The following ATG7 variants were observed in gnomAD, a reference collection of about 807,000 sequenced individuals.
ATG7 encodes autophagy related 7.
In ATG7, 70 loss-of-function variants were observed where a neutral mutation model predicts 82.4. That is an observed-to-expected ratio of 0.85 (90% CI 0.70 to 1.04). The LOEUF is 1.04. Among genes scored for constraint, ATG7 ranks in the 50% least tolerant of loss-of-function variants. The pLI, the probability that ATG7 is intolerant of heterozygous loss-of-function variation, is 0.00. For synonymous variants in ATG7, 287 were observed against 313.0 expected (o/e 0.92, Z 0.88); for missense variants, 792 against 864.3 (o/e 0.92, Z 1.05).
At chr3:11,524,448 G>C (rs887592039) in intron 20 of ATG7, among the ~76,000 whole-genome samples, 4 of 152,162 alleles carry the variant, frequency 2.6e-5, no homozygotes, top group Non-Finnish European at 5.9e-5. Flanking sequence ...AATAAAGAAT[G>C]TATAGTCTGT....
chr3:11,311,003 G>A (rs946704357), intron 7 of ATG7, among the ~76,000 whole-genome samples: 1 of 152,166 alleles, frequency 6.6e-6, no homozygotes, highest in Non-Finnish European at 1.5e-5. Flanking sequence ...ACGTCAGTAC[G>A]CTTTCTGTAC....
intron 20 of ATG7, among the ~76,000 whole-genome samples, chr3:11,497,357 C>CTATATATATATGTATG (rs1281826628): frequency 3.5e-5 from 2 of 57,294 alleles, no homozygotes; most frequent in African/African-American, 1.3e-4. Context: ...ACTAAAAATA[C>CTATATATATATGTATG]TATATATATA....
chr3:11,495,736 A>G (rs2090777576), intron 20 of ATG7, among the ~76,000 whole-genome samples: 1 of 152,180 alleles, frequency 6.6e-6, no homozygotes, highest in Admixed American at 6.5e-5. Flanking sequence ...CGTGGATATC[A>G]CCAAGTTTCT....
intron 20 of ATG7, among the ~76,000 whole-genome samples, chr3:11,549,920 C>T (rs1182431381): frequency 2.6e-5 from 4 of 152,156 alleles, no homozygotes; most frequent in Admixed American, 1.3e-4. Context: ...TTCAGCTCTC[C>T]GAGGAGGTGG....
intron 19 of ATG7, among the ~76,000 whole-genome samples, chr3:11,413,875 G>C (rs886694842): frequency 1.3e-5 from 2 of 152,160 alleles, no homozygotes; most frequent in Non-Finnish European, 2.9e-5. Flanking sequence ...TTTGCCAGGA[G>C]ATTTCTGATT....
chr3:11,474,518 T>C (rs747938465), intron 20 of ATG7, among the ~76,000 whole-genome samples: 11 of 152,202 alleles, frequency 7.2e-5, no homozygotes, highest in Non-Finnish European at 1.3e-4. Flanking sequence ...AAGGCTCATC[T>C]GAGCACAGGA....
intron 1 of ATG7, among the ~76,000 whole-genome samples, chr3:11,277,891 A>ACCCC (rs71626995): frequency 0.014 from 874 of 60,648 alleles, 27 homozygotes; most frequent in East Asian, 0.017. Flanking sequence ...CCCTTTATAG[A>ACCCC]CCCCCCCCCC....
At chr3:11,534,287 C>T (rs1002021489) in intron 20 of ATG7, among the ~76,000 whole-genome samples, 3 of 152,374 alleles carry the variant, frequency 2.0e-5, no homozygotes, top group East Asian at 1.9e-4. Context: ...GTCGATTCTG[C>T]GGCAGCAGGC....
intron 19 of ATG7, among the ~76,000 whole-genome samples, chr3:11,410,566 C>G (rs777079251): frequency 6.6e-6 from 1 of 152,152 alleles, no homozygotes; most frequent in Non-Finnish European, 1.5e-5. Flanking sequence ...AACTGAAACT[C>G]TATAACCATC....
chr3:11,404,125 A>ATTTTTTTTTTTTTTTTTTT (rs10591303), intron 19 of ATG7, among the ~76,000 whole-genome samples: 1 of 76,938 alleles, frequency 1.3e-5, no homozygotes, highest in African/African-American at 5.5e-5. Flanking sequence ...AACCAGCTCA[A>ATTTTTTTTTTTTTTTTTTT]TTTTTTTTTT....
the ATG7 span, among the ~76,000 whole-genome samples, chr3:11,563,927 G>A: frequency 6.6e-6 from 1 of 152,180 alleles, no homozygotes; most frequent in Admixed American, 6.5e-5. Context: ...ATCAGACACG[G>A]ACACCAGGCA....
intron 20 of ATG7, among the ~76,000 whole-genome samples, chr3:11,537,027 G>C (rs1302247611): frequency 6.6e-6 from 1 of 152,054 alleles, no homozygotes. Context: ...AATAAACCCA[G>C]GCCCCTCTCC....
intron 11 of ATG7, among the ~76,000 whole-genome samples, chr3:11,333,755 T>C (rs1308072649): frequency 6.6e-6 from 1 of 151,256 alleles, no homozygotes; most frequent in African/African-American, 2.4e-5. Flanking sequence ...TTTCTTTTTT[T>C]TTTTTTTTTT....
intron 3 of ATG7, among the ~76,000 whole-genome samples, chr3:11,287,963 C>T (rs772993364): frequency 2.6e-4 from 39 of 152,116 alleles, no homozygotes; most frequent in Non-Finnish European, 8.8e-5. Context: ...AAGTCCTGCC[C>T]GAGGCCTTTT....
chr3:11,564,691 TCCCTCCCTCACCACCG>T, the ATG7 span: 22 of 1,277,352 alleles, frequency 1.7e-5, no homozygotes, highest in African/African-American at 1.1e-4. Flanking sequence ...CCTCACCACC[TCCCTCCCTCACCACCG>T]CCCTCGGAGT....
chr3:11,541,733 G>A (rs1345865599), intron 20 of ATG7, among the ~76,000 whole-genome samples: 1 of 152,168 alleles, frequency 6.6e-6, no homozygotes, highest in Non-Finnish European at 1.5e-5. Context: ...TCTCTCTGAT[G>A]TTGACCCCAA....
In ATG7 at chr3:11,338,093, A is replaced by C. The variant is rs553384073; in HGVS notation, c.890-2552A>C. Among the ~76,000 whole-genome samples the C allele has an allele frequency of 1.2e-4, 19 of 152,138 alleles. No homozygotes were observed. In the South Asian group the frequency reaches 3.5e-3, roughly 28 times the overall value. On this transcript the variant is annotated intron_variant, in intron 11 of 20. Transcript: ENST00000693202. ...TACCTAGTACCTAGTATTTTTTCTGATCCTCTCCCTCCTCCCACCCTTCAC... is the reference window on the plus strand; with the variant it reads ...TACCTAGTACCTAGTATTTTTTCTGCTCCTCTCCCTCCTCCCACCCTTCAC...
chr3:11,565,891 C>T, the ATG7 span, among the ~76,000 whole-genome samples: 10 of 152,208 alleles, frequency 6.6e-5, no homozygotes, highest in East Asian at 1.9e-4. The surrounding 1 kb of genome is among the most constrained non-coding windows in gnomAD (Gnocchi z 4.1). Context: ...TTCCAGGGGT[C>T]CCACAGTTCC....
chr3:11,445,814 ACT>A (rs1399538441), intron 20 of ATG7, among the ~76,000 whole-genome samples: 1 of 152,180 alleles, frequency 6.6e-6, no homozygotes, highest in African/African-American at 2.4e-5. Context: ...GAATCTTGGT[ACT>A]GTCACATTTT....
Sources: allele counts gnomAD v4.1 joint callset (sites outside exome capture counted in the v4.1 genomes callset), GRCh38; gene constraint gnomAD v4.1.1; non-coding constraint Gnocchi (gnomAD v3.1); transcripts MANE v1.5; gene names NCBI Gene and HGNC (gene_info 2026-07-23, HGNC 2026-07-21).